The following GRM8 variants were observed in gnomAD, a reference collection of about 807,000 sequenced individuals.
GRM8 encodes the protein glutamate metabotropic receptor 8.
A neutral mutation model predicts 87.2 loss-of-function variants in GRM8; 47 were observed. The ratio of observed to expected loss-of-function variants is 0.54; its 90% confidence interval spans 0.43 to 0.69. GRM8 has a LOEUF of 0.69. GRM8 is among the 30% of genes least tolerant of loss of function. The pLI is 0.00. For synonymous variants in GRM8, 396 were observed against 404.5 expected (o/e 0.98, Z 0.25); for missense variants, 1,019 against 1,139.2 (o/e 0.89, Z 1.52).
chr7:126,857,648 C>T (rs1030067619), intron 6 of GRM8, among the ~76,000 whole-genome samples: 6 of 152,206 alleles, frequency 3.9e-5, no homozygotes, highest in Middle Eastern at 3.2e-3. Flanking sequence ...ACTTCTCTGT[C>T]TTATTCATCC....
intron 7 of GRM8, among the ~76,000 whole-genome samples, chr7:126,766,478 A>G (rs1405580146): frequency 6.6e-6 from 1 of 152,182 alleles, no homozygotes; most frequent in Non-Finnish European, 1.5e-5. Flanking sequence ...TTAAATGGGC[A>G]TTACTAAGTA....
intron 6 of GRM8, among the ~76,000 whole-genome samples, chr7:126,856,349 G>A (rs1016241814): frequency 6.6e-5 from 10 of 151,672 alleles, no homozygotes; most frequent in East Asian, 2.0e-4. Flanking sequence ...AACTAACATC[G>A]CCACATTTTT....
intron 2 of GRM8, among the ~76,000 whole-genome samples, chr7:127,194,504 T>C (rs910557338): frequency 1.3e-5 from 2 of 152,194 alleles, no homozygotes; most frequent in Non-Finnish European, 2.9e-5. Flanking sequence ...ATTAATTTGC[T>C]CCTTCTGCAT....
chr7:126,853,330 GT>G, intron 6 of GRM8, among the ~76,000 whole-genome samples: 1 of 151,634 alleles, frequency 6.6e-6, no homozygotes, highest in East Asian at 1.9e-4. Flanking sequence ...TTTTTTGTTT[GT>G]TTTTTTTAAG....
intron 2 of GRM8, among the ~76,000 whole-genome samples, chr7:127,217,648 G>A (rs1308644088): frequency 6.6e-6 from 1 of 152,142 alleles, no homozygotes; most frequent in African/African-American, 2.4e-5. Flanking sequence ...CCAGGATGTG[G>A]CTCGTAGGTC....
chr7:126,521,222 A>G (rs1812936834), intron 9 of GRM8, among the ~76,000 whole-genome samples: 1 of 152,184 alleles, frequency 6.6e-6, no homozygotes, highest in Non-Finnish European at 1.5e-5. Context: ...GTGTATATTC[A>G]AAAAGGTTAT....
At chr7:126,546,000 A>C (rs961960156) in intron 8 of GRM8, among the ~76,000 whole-genome samples, 1 of 152,184 alleles carries the variant, frequency 6.6e-6, no homozygotes, top group African/African-American at 2.4e-5. Context: ...CATTTAATGC[A>C]ATCTATAGAG....
intron 9 of GRM8, among the ~76,000 whole-genome samples, chr7:126,468,694 C>T (rs955365254): frequency 2.0e-5 from 3 of 152,066 alleles, no homozygotes; most frequent in Non-Finnish European, 4.4e-5. Context: ...AAGTTCCAAC[C>T]TGCTAAAATC....
chr7:126,834,587 A>T (rs1404190629), intron 6 of GRM8, among the ~76,000 whole-genome samples: 1 of 152,198 alleles, frequency 6.6e-6, no homozygotes, highest in Non-Finnish European at 1.5e-5. Flanking sequence ...GAAAAAAGTC[A>T]TCAGGAGAAC....
At chr7:127,131,742 G>A (rs1362702786) in intron 2 of GRM8, among the ~76,000 whole-genome samples, 1 of 151,832 alleles carries the variant, frequency 6.6e-6, no homozygotes, top group Admixed American at 6.6e-5. Flanking sequence ...AGAATTGACT[G>A]AACCCATCTA....
chr7:126,786,969 A>T (rs1486543609), intron 6 of GRM8, among the ~76,000 whole-genome samples: 1 of 152,186 alleles, frequency 6.6e-6, no homozygotes, highest in Non-Finnish European at 1.5e-5. Flanking sequence ...CTGGGTCACA[A>T]TGCTGGCTCT....
chr7:126,469,917 C>T (rs1428012739), intron 9 of GRM8, among the ~76,000 whole-genome samples: 1 of 152,052 alleles, frequency 6.6e-6, no homozygotes, highest in African/African-American at 2.4e-5. Flanking sequence ...TTGGAAGTCT[C>T]GGAAGAAGAC....
Position 127,165,151 on chromosome 7 carries a change from T to TATAC in GRM8, c.511-58440_511-58439insGTAT, listed in dbSNP as rs1793366168. 1.4e-4 allele frequency among the ~76,000 whole-genome samples: 5 copies of TATAC among 36,972 alleles called. No homozygotes were observed. The East Asian group carries it at 2.1e-3, about 16-fold the overall frequency. The allele number at this position is 36,972 out of a possible 152,430, so 24.3% of individuals were successfully genotyped here. A position where few individuals can be genotyped will look rare whatever the true frequency, so the allele number is the denominator to read the frequency against. ...ATAAACATGTAAACAGATATATATA[T>TATAC]ATATATATATATATATATATATATA... On this transcript the variant is annotated intron_variant, in intron 2 of 10. Transcript: ENST00000339582.
chr7:126,894,459 C>T (rs956024090), intron 6 of GRM8, among the ~76,000 whole-genome samples: 2 of 151,976 alleles, frequency 1.3e-5, no homozygotes, highest in African/African-American at 4.8e-5. Context: ...AAAGGATTTC[C>T]TAGACTCCTG....
intron 3 of GRM8, among the ~76,000 whole-genome samples, chr7:126,998,114 C>T (rs1278618651): frequency 6.6e-6 from 1 of 151,648 alleles, no homozygotes. Context: ...TCAACATATG[C>T]TAATCAATCA....
chr7:126,685,776 C>G lies in GRM8; in HGVS notation c.1358-76278G>C, dbSNP rs537015931. Among the ~76,000 whole-genome samples, 15 of 152,042 alleles carry G rather than the reference C, an allele frequency of 9.9e-5. 1 individual carries two copies. The highest frequency in any genetic ancestry group is 3.6e-4 in the African/African-American group (15 of 41,492). ...CCCCTTGGCATGAACGGTCTGGGTGCGATGAATGGTGACAGGCGGCAGACA... is the reference window on the plus strand; with the variant it reads ...CCCCTTGGCATGAACGGTCTGGGTGGGATGAATGGTGACAGGCGGCAGACA... On this transcript the variant is annotated intron_variant, in intron 7 of 10. Transcript: ENST00000339582. The surrounding 1 kb of genome is among the most constrained non-coding windows in gnomAD (Gnocchi z 4.2).
intron 9 of GRM8, among the ~76,000 whole-genome samples, chr7:126,506,267 A>T (rs1326326947): frequency 6.6e-6 from 1 of 151,978 alleles, no homozygotes; most frequent in Non-Finnish European, 1.5e-5. Context: ...ATCTACACAC[A>T]CACACATATA....
chr7:127,175,940 C>A (rs1271963612), intron 2 of GRM8, among the ~76,000 whole-genome samples: 1 of 152,138 alleles, frequency 6.6e-6, no homozygotes, highest in Non-Finnish European at 1.5e-5. Flanking sequence ...AATGGAGATA[C>A]AATCATCTGA....
chr7:126,953,784 T>G (rs1329445852), intron 3 of GRM8, among the ~76,000 whole-genome samples: 1 of 152,118 alleles, frequency 6.6e-6, no homozygotes, highest in Non-Finnish European at 1.5e-5. Context: ...CTCTCTCTTC[T>G]TTGAAGAAAA....
Sources: allele counts gnomAD v4.1 joint callset (sites outside exome capture counted in the v4.1 genomes callset), GRCh38; gene constraint gnomAD v4.1.1; non-coding constraint Gnocchi (gnomAD v3.1); transcripts MANE v1.5; gene names NCBI Gene and HGNC (gene_info 2026-07-23, HGNC 2026-07-21).